The following TENM4 variants were observed in gnomAD, a reference collection of about 807,000 sequenced individuals.
TENM4 encodes the protein teneurin transmembrane protein 4, also known as teneurin-4.
In TENM4, 82 loss-of-function variants were observed where a neutral mutation model predicts 243.3. The observed-to-expected ratio is 0.34, with a 90% confidence interval of 0.28 to 0.40. The LOEUF is 0.40. Ranked by LOEUF, TENM4 falls within the 10% of genes least tolerant of loss-of-function variation. TENM4 has a pLI of 1.00. For missense variants in TENM4, 3,138 were observed against 3,673.3 expected (o/e 0.85, Z 3.77); for synonymous variants, 1,412 against 1,456.3 (o/e 0.97, Z 0.69).
At chr11:79,414,889 C>A (rs1017383513) in intron 1 of TENM4, among the ~76,000 whole-genome samples, 1 of 152,178 alleles carries the variant, frequency 6.6e-6, no homozygotes, top group Non-Finnish European at 1.5e-5. Context: ...CTCATTCATT[C>A]AGAATCCATT....
intron 3 of TENM4, among the ~76,000 whole-genome samples, chr11:79,174,167 G>A (rs889080544): frequency 1.3e-5 from 2 of 152,028 alleles, no homozygotes; most frequent in South Asian, 4.2e-4. Context: ...AGACTACCTT[G>A]GTCTCCCCGC....
chr11:79,317,848 G>A (rs1856827957), intron 1 of TENM4, among the ~76,000 whole-genome samples: 1 of 152,164 alleles, frequency 6.6e-6, no homozygotes, highest in African/African-American at 2.4e-5. Flanking sequence ...TCTTGCATCT[G>A]AGTAGGCTGA....
At chr11:79,051,268 C>T (rs1161068409) in intron 6 of TENM4, among the ~76,000 whole-genome samples, 1 of 152,184 alleles carries the variant, frequency 6.6e-6, no homozygotes, top group Non-Finnish European at 1.5e-5. Context: ...CCAGAATTAT[C>T]CCCATTTTAC....
intron 28 of TENM4, among the ~76,000 whole-genome samples, chr11:78,701,052 A>C (rs901672819): frequency 2.6e-5 from 4 of 152,156 alleles, no homozygotes; most frequent in African/African-American, 9.7e-5. Flanking sequence ...AAAATGGTTA[A>C]AATGAAAAGG....
intron 4 of TENM4, 66 bp from the exon 5 acceptor site, chr11:79,070,075 C>T (rs951349151): frequency 1.4e-6 from 2 of 1,448,020 alleles, no homozygotes; most frequent in Admixed American, 5.1e-5. Flanking sequence ...CATCCTGGTC[C>T]TGGATTCACC....
chr11:79,015,405 C>A lies in TENM4; in HGVS notation c.493+49333G>T, dbSNP rs555226855. 4.6e-5 allele frequency among the ~76,000 whole-genome samples: 7 copies of A among 152,010 alleles called. No homozygotes were observed. In the East Asian group the frequency reaches 5.8e-4, roughly 13 times the overall value. On this transcript the variant is annotated intron_variant, in intron 6 of 33. Coordinates refer to ENST00000278550, the MANE Select transcript of TENM4 (RefSeq NM_001098816.3). ...AGGAATGCTAGAGGCCACCTCTTTC[C>A]ATTTCATACTGTGGATCACTAACCT...
intron 14 of TENM4, among the ~76,000 whole-genome samples, chr11:78,807,764 G>A (rs150489904): frequency 2.0e-5 from 3 of 152,292 alleles, no homozygotes; most frequent in Non-Finnish European, 2.9e-5. Context: ...CCTCCTAATA[G>A]GAACTCACTA....
intron 1 of TENM4, among the ~76,000 whole-genome samples, chr11:79,322,943 C>T (rs1477923993): frequency 6.6e-6 from 1 of 152,222 alleles, no homozygotes; most frequent in Admixed American, 6.5e-5. Context: ...TAGTCTACAA[C>T]ATTCAGTGTC....
chr11:78,775,449 G>A (rs1228981077), intron 17 of TENM4, among the ~76,000 whole-genome samples: 1 of 152,202 alleles, frequency 6.6e-6, no homozygotes, highest in Non-Finnish European at 1.5e-5. Flanking sequence ...AATCACAAAT[G>A]TGGAAATCCA....
At chr11:79,243,522 G>A (rs531326303) in intron 2 of TENM4, among the ~76,000 whole-genome samples, 3 of 152,266 alleles carry the variant, frequency 2.0e-5, no homozygotes, top group Admixed American at 1.3e-4. Context: ...AACAGAAAAT[G>A]ACAACAAAAC....
intron 6 of TENM4, among the ~76,000 whole-genome samples, chr11:78,989,982 T>C (rs1185644950): frequency 6.6e-6 from 1 of 151,850 alleles, no homozygotes; most frequent in Non-Finnish European, 1.5e-5. Context: ...GAGAGTCACC[T>C]GAGCCCGGGG....
intron 6 of TENM4, among the ~76,000 whole-genome samples, chr11:78,960,404 G>C (rs1857293323): frequency 1.3e-5 from 2 of 152,178 alleles, no homozygotes; most frequent in Admixed American, 1.3e-4. Flanking sequence ...GAAAAGGAGG[G>C]TAGGTAATGA....
intron 4 of TENM4, among the ~76,000 whole-genome samples, chr11:79,100,155 C>T (rs914990174): frequency 3.3e-5 from 5 of 152,140 alleles, no homozygotes; most frequent in African/African-American, 9.7e-5. Flanking sequence ...ATAGGGTTTC[C>T]GTAAACATCA....
chr11:79,273,683 C>T (rs1856006678), intron 2 of TENM4, among the ~76,000 whole-genome samples: 1 of 152,184 alleles, frequency 6.6e-6, no homozygotes, highest in African/African-American at 2.4e-5. Flanking sequence ...CCCACTGCCT[C>T]CACAAAACCC....
rs949968185 is a variant in TENM4 at position 79,121,096 on chromosome 11, A to G, written c.-66+27614T>C. On this transcript the variant is annotated intron_variant, in intron 4 of 33. Coordinates refer to ENST00000278550, the MANE Select transcript of TENM4 (RefSeq NM_001098816.3). ...AACACTCTTAGATGGGGAGACAGAGACTTAGAGAGGCCATGTGACATGCCC... is the reference window on the plus strand; with the variant it reads ...AACACTCTTAGATGGGGAGACAGAGGCTTAGAGAGGCCATGTGACATGCCC... 1.4e-4 allele frequency among the ~76,000 whole-genome samples: 21 copies of G among 152,226 alleles called. 1 individual carries two copies. Among genetic ancestry groups the G allele is most frequent in the Admixed American group, 9.2e-4 (14 of 15,286 alleles).
At chr11:79,022,290 C>T (rs764130047) in intron 6 of TENM4, among the ~76,000 whole-genome samples, 7 of 152,148 alleles carry the variant, frequency 4.6e-5, no homozygotes, top group African/African-American at 9.7e-5. Flanking sequence ...GCCCAATAGT[C>T]GACACAAAAC....
intron 3 of TENM4, among the ~76,000 whole-genome samples, chr11:79,164,520 A>G (rs898533254): frequency 2.1e-5 from 3 of 143,428 alleles, no homozygotes; most frequent in Non-Finnish European, 4.5e-5. Context: ...TATACATACT[A>G]TATATATACT....
rs184201821 is a variant in TENM4, at chr11:78,921,951, A to G, written c.494-18428T>C. Among the ~76,000 whole-genome samples the G allele has an allele frequency of 3.7e-4, 56 of 152,318 alleles. No homozygotes were observed. The East Asian group carries it at 9.3e-3, about 25-fold the overall frequency. On this transcript the variant is annotated intron_variant, in intron 6 of 33. Transcript: ENST00000278550. Reference sequence around the variant, plus strand: ...AGCACGAATGTCATCTCTACCATCAAGGCACTGAGCCTCCTGAAGGAGACA... The same window carrying G: ...AGCACGAATGTCATCTCTACCATCAGGGCACTGAGCCTCCTGAAGGAGACA...
chr11:79,068,819 G>A (rs1303339345), intron 5 of TENM4, among the ~76,000 whole-genome samples: 1 of 152,140 alleles, frequency 6.6e-6, no homozygotes, highest in Non-Finnish European at 1.5e-5. Flanking sequence ...CAGCAGGGCT[G>A]GCCCATGAGT....
Sources: gnomAD v4.1 joint callset for allele counts (sites outside exome capture counted in the v4.1 genomes callset) on GRCh38, gnomAD v4.1.1 for gene constraint, MANE v1.5 for transcripts, NCBI Gene and HGNC (gene_info 2026-07-23, HGNC 2026-07-21) for gene names.